PCLO: variants seen among roughly 807,000 people sequenced by gnomAD.
PCLO encodes the protein protein piccolo.
Under a neutral mutation model 427.5 loss-of-function variants are expected in PCLO, and 82 were observed. The observed-to-expected ratio is 0.19, with a 90% CI of 0.16 to 0.23. The LOEUF (loss-of-function observed/expected upper bound fraction) is 0.23. Among genes scored for constraint, PCLO ranks in the 10% least tolerant of loss-of-function variants. The pLI, the probability that PCLO is intolerant of heterozygous loss-of-function variation, is 1.00. For synonymous variants in PCLO, 2,357 were observed against 2,155.4 expected (o/e 1.09, Z -2.59); for missense variants, 6,239 against 6,115.9 (o/e 1.02, Z -0.67).
intron 20 of PCLO, among the ~76,000 whole-genome samples, chr7:82,811,379 C>T (rs1791566625): frequency 6.6e-6 from 1 of 151,446 alleles, no homozygotes; most frequent in African/African-American, 2.4e-5. Flanking sequence ...CTTCTTCCCT[C>T]CTCCTGTCTC....
chr7:82,774,614 C>G (rs575827263), intron 22 of PCLO, among the ~76,000 whole-genome samples: 1 of 152,066 alleles, frequency 6.6e-6, no homozygotes, highest in Non-Finnish European at 1.5e-5. Flanking sequence ...ATGTTCACAG[C>G]AAAATTGAGA....
chr7:83,021,333 C>A (rs924981533), intron 3 of PCLO, among the ~76,000 whole-genome samples: 2 of 152,138 alleles, frequency 1.3e-5, no homozygotes, highest in African/African-American at 2.4e-5. Flanking sequence ...ATGAACCTAG[C>A]GGTCCTACAA....
At chr7:83,007,748 T>C (rs1787984135) in intron 3 of PCLO, among the ~76,000 whole-genome samples, 1 of 151,600 alleles carries the variant, frequency 6.6e-6, no homozygotes, top group Non-Finnish European at 1.5e-5. Flanking sequence ...TATGAAATAA[T>C]GGCAAGTTAG....
chr7:82,871,896 C>T (rs1793247316), intron 10 of PCLO, among the ~76,000 whole-genome samples: 1 of 151,652 alleles, frequency 6.6e-6, no homozygotes, highest in African/African-American at 2.4e-5. Flanking sequence ...ACTGATTATA[C>T]ATATTCAGAA....
At chr7:82,871,179 T>A (rs1020821832) in intron 10 of PCLO, among the ~76,000 whole-genome samples, 3 of 152,002 alleles carry the variant, frequency 2.0e-5, no homozygotes, top group Admixed American at 6.6e-5. Flanking sequence ...ACAGCACTAT[T>A]CAAAATAGCC....
chr7:83,109,289 G>A (rs929596967), intron 3 of PCLO, among the ~76,000 whole-genome samples: 1 of 152,046 alleles, frequency 6.6e-6, no homozygotes, highest in Non-Finnish European at 1.5e-5. Flanking sequence ...GTTCTTAATT[G>A]ATTGCTTTTC....
In PCLO at chr7:82,949,642, T is replaced by A; in HGVS notation, c.10946A>T (p.Asp3649Val). 6.2e-7 allele frequency: 1 copy of A among 1,613,776 alleles called. No individual in the cohort carries two copies. The highest frequency in any genetic ancestry group is 8.5e-7 in the Non-Finnish European group (1 of 1,179,834). Reference protein sequence around the residue: ...AFVPYEKPLPDDISPQKVLHP... With the variant: ...AFVPYEKPLPVDISPQKVLHP... ...CAGTACTTTCTGTGGACTTATATCA[T>A]CAGGGAGGGGTTTTTCATAAGGTAC... The change falls in exon 6 of 25, where the codon GAT (aspartate) becomes GTT (valine). Residue 3649 changes from aspartate to valine, a missense_variant. By Grantham distance (152) the Asp-to-Val change is radical. Transcript: ENST00000333891.
At chr7:83,085,632 C>T (rs914607726) in intron 3 of PCLO, among the ~76,000 whole-genome samples, 9 of 152,116 alleles carry the variant, frequency 5.9e-5, no homozygotes, top group Admixed American at 5.2e-4. Flanking sequence ...ACTAACAGGA[C>T]TGCTATCATG....
Position 82,949,751 on chromosome 7 carries a change from C to T in PCLO, c.10837G>A (p.Ala3613Thr), listed in dbSNP as rs370030206. Residue 3613 changes from alanine to threonine, a missense_variant, in exon 6 of 25, where the codon GCT (alanine) becomes ACT (threonine). Physicochemically the swap from Ala to Thr is moderately conservative, Grantham distance 58. This residue lies in a region of PCLO where 4,677 missense variants were observed against 4,468.4 expected (regional missense o/e 1.05). Coordinates refer to ENST00000333891, the MANE Select transcript of PCLO (RefSeq NM_033026.6). ...TTGGGGGATTTGGGTGGGGAAGGAG[C>T]CAGCTGTACTGTGGAATCTGCCCGG... Reference protein sequence around the residue: ...HLRADSTVQLAPSPPKSPKVL... With the variant: ...HLRADSTVQLTPSPPKSPKVL... The T allele has an allele frequency of 6.2e-7, 1 of 1,613,528 alleles. No individual in the cohort carries two copies. Among genetic ancestry groups the T allele is most frequent in the Non-Finnish European group, 8.5e-7 (1 of 1,179,808 alleles).
chr7:82,936,655 C>A (rs1794959543), intron 6 of PCLO, among the ~76,000 whole-genome samples: 1 of 151,590 alleles, frequency 6.6e-6, no homozygotes, highest in South Asian at 2.1e-4. Flanking sequence ...TAACATCCAG[C>A]AGTTAGCTAT....
chr7:83,044,215 T>A (rs1789048350), intron 3 of PCLO, among the ~76,000 whole-genome samples: 1 of 151,982 alleles, frequency 6.6e-6, no homozygotes, highest in African/African-American at 2.4e-5. Context: ...AAGAACAACA[T>A]GGGGGAACCG....
intron 3 of PCLO, among the ~76,000 whole-genome samples, chr7:83,051,005 G>A (rs1490837915): frequency 6.6e-6 from 1 of 151,986 alleles, no homozygotes; most frequent in Non-Finnish European, 1.5e-5. Context: ...AAAATCACTT[G>A]ACAACACCAA....
At chr7:82,847,061 G>A in intron 11 of PCLO, 78 bp downstream of exon 11, 2 of 714,846 alleles carry the variant, frequency 2.8e-6, no homozygotes, top group African/African-American at 1.8e-5. Flanking sequence ...ACTGGCAAAG[G>A]TTCCACCTTA....
At chr7:82,889,344 G>T (rs1007801009) in intron 9 of PCLO, among the ~76,000 whole-genome samples, 1 of 152,054 alleles carries the variant, frequency 6.6e-6, no homozygotes, top group African/African-American at 2.4e-5. Flanking sequence ...ATGCTTAGGA[G>T]ACAATTAAAT....
intron 9 of PCLO, among the ~76,000 whole-genome samples, chr7:82,887,446 C>T (rs1036705173): frequency 6.6e-6 from 1 of 152,182 alleles, no homozygotes; most frequent in African/African-American, 2.4e-5. Context: ...ATATTACCAT[C>T]TATCCTCCTA....
intron 15 of PCLO, 115 bp downstream of exon 15, chr7:82,838,103 G>T: frequency 1.4e-6 from 1 of 727,306 alleles, no homozygotes; most frequent in Non-Finnish European, 2.2e-6. Flanking sequence ...ACATGTGGAG[G>T]AAAGTAAGGA....
At chr7:83,040,463 G>A (rs1788946291) in intron 3 of PCLO, among the ~76,000 whole-genome samples, 1 of 152,108 alleles carries the variant, frequency 6.6e-6, no homozygotes, top group African/African-American at 2.4e-5. Context: ...ACGTCCTGGG[G>A]CATAAATTGT....
At chr7:82,775,347 T>C (rs994041387) in intron 22 of PCLO, among the ~76,000 whole-genome samples, 14 of 152,190 alleles carry the variant, frequency 9.2e-5, no homozygotes, top group African/African-American at 3.4e-4. Context: ...CATTTTGCAT[T>C]CCCACTGGCA....
In PCLO at chr7:82,805,775, C is replaced by T; in HGVS notation, c.14846G>A (p.Gly4949Asp). ...GCTATACCCACTGCCAAAGCTGCTG[C>T]CCGAGGAGCCGGTGGACACAGAGCT... ...AESSVSTGSS[G>D]SSFGSGYSVD... Residue 4949 changes from glycine (G) to aspartate (D), a missense_variant, in exon 21 of 25, where the codon GGC becomes GAC. Around this residue, in one of 5 missense-constraint regions of PCLO, gnomAD observed 877 missense variants for 925.5 expected, o/e 0.95. Transcript: ENST00000333891. The T allele has an allele frequency of 6.2e-7, 1 of 1,610,472 alleles. No individual in the cohort carries two copies. Among genetic ancestry groups the T allele is most frequent in the Non-Finnish European group, 8.5e-7 (1 of 1,178,320 alleles).
Sources: gnomAD v4.1 joint callset for allele counts (sites outside exome capture counted in the v4.1 genomes callset) on GRCh38, gnomAD v4.1.1 for gene constraint, gnomAD v4.1.1 regional missense constraint, MANE v1.5 for transcripts, NCBI Gene and HGNC (gene_info 2026-07-23, HGNC 2026-07-21) for gene names.